Variants in MANBA observed in about 807,000 individuals in gnomAD.
The protein encoded by MANBA is beta-mannosidase.
A neutral mutation model predicts 111.1 loss-of-function variants in MANBA; 83 were observed. The ratio of observed to expected loss-of-function variants is 0.75; its 90% confidence interval spans 0.63 to 0.90. The LOEUF (loss-of-function observed/expected upper bound fraction) is 0.90, where lower values mean the gene tolerates loss of function less well. Among genes scored for constraint, MANBA ranks in the 40% least tolerant of loss-of-function variants. The pLI, the probability that MANBA is intolerant of heterozygous loss-of-function variation, is 0.00. For missense variants in MANBA, 1,036 were observed against 1,069.0 expected (o/e 0.97, Z 0.43); for synonymous variants, 370 against 378.7 (o/e 0.98, Z 0.27).
intron 5 of MANBA, among the ~76,000 whole-genome samples, chr4:102,713,539 G>C (rs1181915449): frequency 6.6e-6 from 1 of 152,148 alleles, no homozygotes; most frequent in Non-Finnish European, 1.5e-5. Context: ...GATTTCTGAG[G>C]TTCTATTTCA....
chr4:102,631,855 T>C lies in MANBA; in HGVS notation c.*202A>G, dbSNP rs1406673647. 3.1e-6 allele frequency: 2 copies of C among 638,778 alleles called. No homozygotes were observed. Among genetic ancestry groups the C allele is most frequent in the Non-Finnish European group, 2.8e-6 (1 of 357,686 alleles). The allele number at this position is 638,778 out of a possible 1,614,324, so 39.6% of individuals were successfully genotyped here. A position where few individuals can be genotyped will look rare whatever the true frequency, so the allele number is the denominator to read the frequency against. On this transcript the variant is annotated 3_prime_UTR_variant, in exon 17 of 17. Coordinates refer to ENST00000647097, the MANE Select transcript of MANBA (RefSeq NM_005908.4). ...GATTCCAGGACACCCCGGCACAGGC[T>C]TGTTTGAGGACATTGCCTGGGTAAA...
At chr4:102,694,400 T>C (rs748257036) in intron 5 of MANBA, among the ~76,000 whole-genome samples, 14 of 152,154 alleles carry the variant, frequency 9.2e-5, no homozygotes, top group Admixed American at 3.3e-4. Flanking sequence ...AACCAGTAGT[T>C]TTCCTGATGT....
chr4:102,737,406 T>C (rs766134445), intron 1 of MANBA, among the ~76,000 whole-genome samples: 4 of 152,020 alleles, frequency 2.6e-5, no homozygotes, highest in African/African-American at 4.8e-5. Flanking sequence ...GTCAGTGCTG[T>C]TGGGGGGGCA....
chr4:102,753,090 CA>C (rs1212415344), intron 1 of MANBA, among the ~76,000 whole-genome samples: 1 of 151,730 alleles, frequency 6.6e-6, no homozygotes, highest in Admixed American at 6.6e-5. Context: ...AATAAGAACA[CA>C]TCTTTATAAT....
chr4:102,690,688 C>T lies in MANBA; in HGVS notation c.757G>A (p.Val253Ile), dbSNP rs227368. ...SSKPVGGQVI[V>I]AIPKLQTQQT... ...TGTGTTTGCAACTTAGGGATGGCTA[C>T]GATCACTTGACCACCAACTGGCTTT... Residue 253 changes from valine to isoleucine, a missense_variant, in exon 6 of 17, where the codon GTA (valine) becomes ATA (isoleucine). Coordinates refer to ENST00000647097, the MANE Select transcript of MANBA (RefSeq NM_005908.4). 743,736 of 1,608,542 alleles carry T rather than the reference C, an allele frequency of 0.46. 177,288 individuals are homozygous for T. The highest frequency in any genetic ancestry group is 0.5 in the East Asian group (22,265 of 44,686).
intron 1 of MANBA, chr4:102,729,088 C>T: frequency 2.6e-6 from 2 of 758,238 alleles, no homozygotes; most frequent in Non-Finnish European, 4.9e-6. Flanking sequence ...CCTGCTTGGC[C>T]TGCTGCAGGG....
At chr4:102,653,255 C>A (rs973043977) in intron 12 of MANBA, among the ~76,000 whole-genome samples, 5 of 100,068 alleles carry the variant, frequency 5.0e-5, no homozygotes, top group Non-Finnish European at 1.1e-4. Flanking sequence ...CACACACACA[C>A]ACACACACAC....
At position 102,760,732 on chromosome 4, in the gene MANBA, G is replaced by C. The variant is rs758643729; in HGVS notation, c.163C>G (p.Gln55Glu). The change falls in exon 1 of 17, where the codon CAG becomes GAG. Residue 55 changes from glutamine (Q) to glutamate (E), a missense_variant. Physicochemically the swap from Gln to Glu is conservative, Grantham distance 29. Coordinates refer to ENST00000647097, the MANE Select transcript of MANBA (RefSeq NM_005908.4). ...PGCVHSALFQ[Q>E]GLIQDSYYRF... Reference sequence around the variant, plus strand: ...GCACGCCATACCTGGATCAGGCCCTGCTGGAACAAGGCGCTGTGCACGCAG... The same window carrying C: ...GCACGCCATACCTGGATCAGGCCCTCCTGGAACAAGGCGCTGTGCACGCAG... 3.2e-6 allele frequency: 5 copies of C among 1,543,794 alleles called. No homozygotes were observed. Among genetic ancestry groups the C allele is most frequent in the Admixed American group, 3.9e-5 (2 of 50,890 alleles).
At chr4:102,733,099 T>C (rs1723087930) in intron 1 of MANBA, among the ~76,000 whole-genome samples, 1 of 152,212 alleles carries the variant, frequency 6.6e-6, no homozygotes, top group Non-Finnish European at 1.5e-5. Flanking sequence ...GAGGCCAATC[T>C]GAAAAACCTA....
At chr4:102,726,759 A>C (rs555739386) in intron 1 of MANBA, 76 bp from the exon 2 acceptor site, 16 of 800,372 alleles carry the variant, frequency 2.0e-5, no homozygotes, top group Non-Finnish European at 3.3e-5. Flanking sequence ...CATAAAATAA[A>C]TTATTAACAA....
chr4:102,722,611 C>T (rs1022327734), intron 4 of MANBA: 16 of 458,002 alleles, frequency 3.5e-5, no homozygotes, highest in Non-Finnish European at 5.6e-5. Flanking sequence ...GTTCCATTAT[C>T]AGCCACATAT....
chr4:102,669,956 G>A (rs1731417471), intron 9 of MANBA, among the ~76,000 whole-genome samples: 1 of 151,778 alleles, frequency 6.6e-6, no homozygotes, highest in African/African-American at 2.4e-5. Flanking sequence ...CTCCAGCCTG[G>A]GTGACAGAGC....
At chr4:102,675,565 C>G (rs1222914109) in intron 7 of MANBA, among the ~76,000 whole-genome samples, 1 of 152,184 alleles carries the variant, frequency 6.6e-6, no homozygotes, top group Non-Finnish European at 1.5e-5. Context: ...GCAACCTACA[C>G]AGGAGCACAA....
intron 12 of MANBA, 190 bp from the exon 13 acceptor site, chr4:102,650,891 G>A (rs937145591): frequency 1.0e-5 from 6 of 580,448 alleles, no homozygotes; most frequent in African/African-American, 1.9e-5. Flanking sequence ...TGTGGAAACT[G>A]GAATCACAAA....
rs184547275 is a variant in MANBA, at chr4:102,729,418, C to T, written c.178-2735G>A. 8,257 of 1,206,632 alleles carry T rather than the reference C, an allele frequency of 6.8e-3. 61 individuals carry two copies. Among genetic ancestry groups the T allele is most frequent in the South Asian group, 0.012 (949 of 76,734 alleles). The allele number at this position is 1,206,632 out of a possible 1,614,324, so 74.7% of individuals were successfully genotyped here. On this transcript the variant is annotated intron_variant, in intron 1 of 16. Coordinates refer to ENST00000647097, the MANE Select transcript of MANBA (RefSeq NM_005908.4). ...GATGATGCTGTTCATGCCCAGGGAG[C>T]GGCTGTTGTCCATGGGCAGCACCAC...
intron 1 of MANBA, chr4:102,734,505 G>A: frequency 6.2e-7 from 1 of 1,607,364 alleles, no homozygotes; most frequent in South Asian, 1.1e-5. Context: ...GTTCCACGAG[G>A]TGGAGGCTGA....
At chr4:102,744,280 G>A (rs761797422) in intron 1 of MANBA, among the ~76,000 whole-genome samples, 2 of 152,152 alleles carry the variant, frequency 1.3e-5, no homozygotes, top group Non-Finnish European at 2.9e-5. Context: ...TTTTACTGAG[G>A]TAGAAGTTCC....
At chr4:102,707,834 G>A (rs1344747295) in intron 5 of MANBA, among the ~76,000 whole-genome samples, 1 of 151,758 alleles carries the variant, frequency 6.6e-6, no homozygotes, top group Non-Finnish European at 1.5e-5. Context: ...CCATGCAAAT[G>A]GAAATAAAAA....
chr4:102,648,926 T>C (rs1444908993), intron 13 of MANBA, among the ~76,000 whole-genome samples: 1 of 152,032 alleles, frequency 6.6e-6, no homozygotes, highest in African/African-American at 2.4e-5. Context: ...CTCTATCATC[T>C]TGATTGTTTT....
Sources: allele counts gnomAD v4.1 joint callset (sites outside exome capture counted in the v4.1 genomes callset), GRCh38; gene constraint gnomAD v4.1.1; transcripts MANE v1.5; gene names NCBI Gene and HGNC (gene_info 2026-07-23, HGNC 2026-07-21).